GRHPR: variants seen among roughly 807,000 people sequenced by gnomAD.
The protein encoded by GRHPR is glyoxylate and hydroxypyruvate reductase.
GRHPR carries 35 observed loss-of-function variants against 36.8 expected under a neutral mutation model. The ratio of observed to expected loss-of-function variants is 0.95; its 90% CI spans 0.73 to 1.26. The LOEUF (loss-of-function observed/expected upper bound fraction) is 1.26, where lower values mean the gene tolerates loss of function less well. GRHPR is among the 50% of genes most tolerant of loss of function. The pLI is 0.00. For synonymous variants in GRHPR, 179 were observed against 181.0 expected (o/e 0.99, Z 0.09); for missense variants, 380 against 435.0 (o/e 0.87, Z 1.12).
rs765619632 is a variant in GRHPR at position 37,424,817 on chromosome 9, TCTC to T, written c.84-25_84-23del. The T allele has an allele frequency of 5.0e-6, 8 of 1,610,170 alleles. No homozygotes were observed. The Admixed American group carries it at 6.7e-5, about 13-fold the overall frequency. ...CGGGGACAGGTGTGCGGCTCCTGCT[TCTC>T]CTGAGGGCCTCCCTTTCCCCGCAGC... On this transcript the variant is annotated intron_variant, in intron 1 of 8. Transcript: ENST00000318158.
At chr9:37,431,195 T>G (rs1823349957) in intron 7 of GRHPR, 1 of 371,496 alleles carries the variant, frequency 2.7e-6, no homozygotes, top group Non-Finnish European at 5.4e-6. Flanking sequence ...TCCTAGCTGG[T>G]GCCCCTTGAG....
downstream of GRHPR, chr9:37,439,446 G>A (rs926146682): frequency 1.3e-5 from 2 of 152,218 alleles, no homozygotes; most frequent in Non-Finnish European, 2.9e-5. Flanking sequence ...TTTAGGGTCT[G>A]TACTGTTAAA....
rs1170308001 is a variant in GRHPR at position 37,422,708 on chromosome 9, C to T, written c.-43C>T. 4.8e-6 allele frequency: 7 copies of T among 1,453,022 alleles called. No individual in the cohort carries two copies. Among genetic ancestry groups the T allele is most frequent in the Admixed American group, 3.8e-5 (2 of 52,014 alleles). The allele number at this position is 1,453,022 out of a possible 1,614,324, so 90.0% of individuals were successfully genotyped here. A position where few individuals can be genotyped will look rare whatever the true frequency, so the allele number is the denominator to read the frequency against. ...CCCCGGCCCAGCTACATTCCCGGGC[C>T]AGCTTCTGTACTGCCAGGTCCGGGT... On this transcript the variant is annotated 5_prime_UTR_variant, in exon 1 of 9. Transcript: ENST00000318158.
downstream of GRHPR, chr9:37,438,882 G>T (rs190685437): frequency 2.0e-5 from 3 of 152,266 alleles, no homozygotes; most frequent in Admixed American, 6.5e-5. Flanking sequence ...TTCTTCCTGG[G>T]AATCAGTCCA....
chr9:37,433,221 T>G (rs1177253053), intron 8 of GRHPR, among the ~76,000 whole-genome samples: 1 of 146,394 alleles, frequency 6.8e-6, no homozygotes, highest in African/African-American at 2.5e-5. Context: ...AGTGCAGTGG[T>G]TCTCACATTT....
At chr9:37,432,208 AG>A in intron 8 of GRHPR, 70 bp downstream of exon 8, 1 of 1,510,776 alleles carries the variant, frequency 6.6e-7, no homozygotes, top group Non-Finnish European at 9.2e-7. Context: ...GGGGGTCCCA[AG>A]GGGCCGGGTG....
downstream of GRHPR, chr9:37,439,372 A>ATGTT (rs1327328227): frequency 6.6e-6 from 1 of 152,230 alleles, no homozygotes; most frequent in African/African-American, 2.4e-5. Flanking sequence ...GAACACTACC[A>ATGTT]TGTTTGGATT....
downstream of GRHPR, among the ~76,000 whole-genome samples, chr9:37,437,808 G>T (rs1439362847): frequency 1.3e-5 from 2 of 152,074 alleles, no homozygotes; most frequent in African/African-American, 4.8e-5. Context: ...CAGCAGCCAA[G>T]CCAAACTGGC....
chr9:37,425,805 A>G (rs1181967642), intron 2 of GRHPR, 117 bp from the exon 3 acceptor site: 2 of 728,780 alleles, frequency 2.7e-6, no homozygotes, highest in Non-Finnish European at 5.0e-6. Flanking sequence ...AAGAACAGAG[A>G]TGTCAGCCTC....
At chr9:37,429,387 C>T (rs918092260) in intron 5 of GRHPR, 1 of 380,830 alleles carries the variant, frequency 2.6e-6, no homozygotes, top group Non-Finnish European at 5.1e-6. Context: ...GAGGGGACTG[C>T]TTGACCAGGT....
At chr9:37,432,198 G>A in intron 8 of GRHPR, 60 bp downstream of exon 8, 2 of 1,583,622 alleles carry the variant, frequency 1.3e-6, no homozygotes, top group South Asian at 1.1e-5. Flanking sequence ...GTGTTTTTGA[G>A]GGGGTCCCAA....
At chr9:37,437,057 A>C (rs944898565), downstream of GRHPR, 2 of 406,594 alleles carry the variant, frequency 4.9e-6, no homozygotes, top group African/African-American at 4.1e-5. Flanking sequence ...ACGCACCCCT[A>C]TAGTCCCAGC....
At position 37,432,155 on chromosome 9, in the gene GRHPR, C is replaced by T; in HGVS notation, c.865+17C>T. 6.2e-7 allele frequency: 1 copy of T among 1,613,314 alleles called. No homozygotes were observed. Among genetic ancestry groups the T allele is most frequent in the Non-Finnish European group, 8.5e-7 (1 of 1,179,326 alleles). On this transcript the variant is annotated intron_variant, in intron 8 of 8. Transcript: ENST00000318158. ...AGAACTGTGGTAAGAACTGCACTTT[C>T]TGATGCAAACTCCCTGCTGCCCTGC...
At chr9:37,429,942 T>A in intron 6 of GRHPR, 106 bp downstream of exon 6, 1 of 743,406 alleles carries the variant, frequency 1.3e-6, no homozygotes, top group Non-Finnish European at 2.4e-6. Context: ...GCTCCAGGCA[T>A]GTCCAGGGGC....
At chr9:37,436,606 G>A in intron 8 of GRHPR, 55 bp from the exon 9 acceptor site, 4 of 1,608,184 alleles carry the variant, frequency 2.5e-6, no homozygotes, top group Non-Finnish European at 3.4e-6. Context: ...CAGCCCAGCT[G>A]AAGGCTGCTG....
downstream of GRHPR, among the ~76,000 whole-genome samples, chr9:37,437,511 C>T (rs1007585674): frequency 6.6e-6 from 1 of 152,130 alleles, no homozygotes; most frequent in African/African-American, 2.4e-5. Flanking sequence ...AATTAAGGAG[C>T]ACTTCCAGAA....
At chr9:37,426,810 G>A in intron 4 of GRHPR, among the ~76,000 whole-genome samples, 156 bp downstream of exon 4, 1 of 152,110 alleles carries the variant, frequency 6.6e-6, no homozygotes, top group Non-Finnish European at 1.5e-5. Context: ...AATTAGCTGG[G>A]TGTGGTGGTG....
chr9:37,433,944 A>G, intron 8 of GRHPR: 1 of 396,684 alleles, frequency 2.5e-6, no homozygotes, highest in Admixed American at 4.4e-5. Flanking sequence ...GCCCTTGGAA[A>G]CTCTCCCGTC....
chr9:37,426,029 G>T (rs376211972), intron 3 of GRHPR, 35 bp downstream of exon 3: 6 of 1,377,084 alleles, frequency 4.4e-6, no homozygotes, highest in Non-Finnish European at 6.2e-6. Context: ...GGGGCCTAGA[G>T]AGAGGGGTGG....
Sources: allele counts gnomAD v4.1 joint callset (sites outside exome capture counted in the v4.1 genomes callset), GRCh38; gene constraint gnomAD v4.1.1; transcripts MANE v1.5; gene names NCBI Gene and HGNC (gene_info 2026-07-23, HGNC 2026-07-21).